The following TNFRSF10D variants were observed in gnomAD, a reference collection of about 807,000 sequenced individuals.
TNFRSF10D encodes TNF receptor superfamily member 10d.
Under a neutral mutation model 42.1 loss-of-function variants are expected in TNFRSF10D, and 28 were observed. The observed-to-expected ratio is 0.66, with a 90% CI of 0.49 to 0.91. The LOEUF is 0.91. Among genes scored for constraint, TNFRSF10D ranks in the 40% least tolerant of loss-of-function variants. The probability of loss-of-function intolerance (pLI) is 0.00; values close to 1 mark genes in which losing one functional copy is unlikely to be tolerated. For synonymous variants in TNFRSF10D, 186 were observed against 189.4 expected, an observed-to-expected ratio of 0.98 and a Z score of 0.15; for missense variants, 503 against 486.1, an observed-to-expected ratio of 1.03 and a Z score of -0.33.
chr8:23,140,408 AC>A (rs368367352), intron 7 of TNFRSF10D, among the ~76,000 whole-genome samples: 1 of 146,810 alleles, frequency 6.8e-6, no homozygotes, highest in South Asian at 2.1e-4. Flanking sequence ...ACACACACAC[AC>A]ACACACACAA....
At chr8:23,144,871 G>A (rs765037585) in intron 6 of TNFRSF10D, among the ~76,000 whole-genome samples, 187 bp downstream of exon 6, 35 of 152,276 alleles carry the variant, frequency 2.3e-4, no homozygotes, top group African/African-American at 7.5e-4. Flanking sequence ...GCTGCAGCAC[G>A]GCCTGCTGGT....
At chr8:23,140,092 A>G (rs1461965282) in intron 7 of TNFRSF10D, among the ~76,000 whole-genome samples, 4 of 152,182 alleles carry the variant, frequency 2.6e-5, no homozygotes, top group Non-Finnish European at 5.9e-5. Flanking sequence ...GATCGAGACC[A>G]TCCTGGCTAA....
chr8:23,160,793 C>A (rs1271227906), intron 1 of TNFRSF10D, among the ~76,000 whole-genome samples: 1 of 152,226 alleles, frequency 6.6e-6, no homozygotes, highest in Non-Finnish European at 1.5e-5. Flanking sequence ...GAGCAGCCAT[C>A]TGCAGCCACC....
intron 7 of TNFRSF10D, among the ~76,000 whole-genome samples, chr8:23,140,480 C>G (rs542216372): frequency 6.6e-6 from 1 of 151,580 alleles, no homozygotes; most frequent in African/African-American, 2.4e-5. Flanking sequence ...CAAAACACTG[C>G]TAAAAGAAAT....
At chr8:23,156,538 C>CAACT (rs1800282722) in intron 1 of TNFRSF10D, among the ~76,000 whole-genome samples, 1 of 151,178 alleles carries the variant, frequency 6.6e-6, no homozygotes, top group Admixed American at 6.6e-5. Flanking sequence ...TTTTCAAGAG[C>CAACT]AACTATTCAT....
At position 23,135,930 on chromosome 8, in the gene TNFRSF10D, T is replaced by A. The variant is rs1352166481; in HGVS notation, c.*1940A>T. 2.2e-6 allele frequency: 1 copy of A among 448,964 alleles called. No individual in the cohort carries two copies. Among genetic ancestry groups the A allele is most frequent in the Non-Finnish European group, 4.5e-6 (1 of 224,256 alleles). The allele number at this position is 448,964 out of a possible 1,614,324, so 27.8% of individuals were successfully genotyped here. On this transcript the variant is annotated 3_prime_UTR_variant, in exon 9 of 9. Transcript: ENST00000312584. ...TAGGAGGCAGCAGCACCCTGTGTCA[T>A]CCAGAAGTGCAGGGGACAAGGTGTG...
rs867006683 is a variant in TNFRSF10D at position 23,163,129 on chromosome 8, C to A, written c.150+657G>T. 2.4e-4 allele frequency among the ~76,000 whole-genome samples: 30 copies of A among 122,612 alleles called. 1 individual carries two copies. The highest frequency in any genetic ancestry group is 2.0e-4 in the Admixed American group (2 of 10,012). The allele number at this position is 122,612 out of a possible 152,430, so 80.4% of individuals were successfully genotyped here. A position where few individuals can be genotyped will look rare whatever the true frequency, so the allele number is the denominator to read the frequency against. ...TTTTTTTTTTTTTGAGACGGAGTCTCGCTCTTGTTGACCAGGCTGGAGTGC... is the reference window on the plus strand; with the variant it reads ...TTTTTTTTTTTTTGAGACGGAGTCTAGCTCTTGTTGACCAGGCTGGAGTGC... On this transcript the variant is annotated intron_variant, in intron 1 of 8. Coordinates refer to ENST00000312584, the MANE Select transcript of TNFRSF10D (RefSeq NM_003840.5).
At chr8:23,159,683 A>G (rs1193395347) in intron 1 of TNFRSF10D, among the ~76,000 whole-genome samples, 1 of 152,104 alleles carries the variant, frequency 6.6e-6, no homozygotes, top group Non-Finnish European at 1.5e-5. Context: ...ACAACATGAC[A>G]AAACCCCGTC....
At position 23,136,548 on chromosome 8, in the gene TNFRSF10D, C is replaced by A. The variant is rs1216464672; in HGVS notation, c.*1322G>T. ...TGGCAGATGCCGGGGCAGATAAACA[C>A]CTGCTCTGCCCTGAGCCCAAATGAG... On this transcript the variant is annotated 3_prime_UTR_variant, in exon 9 of 9. Transcript: ENST00000312584. 1 of 158,266 alleles carries A rather than the reference C, an allele frequency of 6.3e-6. No individual in the cohort carries two copies. The highest frequency in any genetic ancestry group is 1.8e-4 in the South Asian group (1 of 5,530). 9.8% of individuals were successfully genotyped at this position (158,266 alleles called of 1,614,324 possible).
intron 1 of TNFRSF10D, among the ~76,000 whole-genome samples, chr8:23,158,897 G>A (rs541384587): frequency 6.2e-3 from 949 of 152,146 alleles, no homozygotes; most frequent in African/African-American, 0.019. Flanking sequence ...AACTATCGCC[G>A]CGATAAGATA....
At chr8:23,138,591 C>T (rs1028027615) in intron 7 of TNFRSF10D, among the ~76,000 whole-genome samples, 1 of 152,158 alleles carries the variant, frequency 6.6e-6, no homozygotes, top group Non-Finnish European at 1.5e-5. Flanking sequence ...CACCCACCCT[C>T]ACAAGAAATG....
intron 2 of TNFRSF10D, among the ~76,000 whole-genome samples, chr8:23,149,058 CA>C (rs1429786889): frequency 1.3e-4 from 19 of 150,214 alleles, no homozygotes; most frequent in East Asian, 4.1e-4. Context: ...GGCGTGGTGG[CA>C]GGCACCTGTA....
At chr8:23,151,575 A>AT (rs1362954153) in intron 2 of TNFRSF10D, among the ~76,000 whole-genome samples, 3 of 152,104 alleles carry the variant, frequency 2.0e-5, no homozygotes, top group African/African-American at 7.3e-5. Context: ...AGCCCAATGT[A>AT]TTTTTTTAAA....
At chr8:23,149,996 A>G (rs1260251617) in intron 2 of TNFRSF10D, among the ~76,000 whole-genome samples, 3 of 152,200 alleles carry the variant, frequency 2.0e-5, no homozygotes, top group African/African-American at 7.2e-5. Context: ...ACATGTCCCT[A>G]TGGAATAAAG....
At chr8:23,161,903 CAA>C (rs1800372466) in intron 1 of TNFRSF10D, among the ~76,000 whole-genome samples, 1 of 152,132 alleles carries the variant, frequency 6.6e-6, no homozygotes, top group Non-Finnish European at 1.5e-5. Flanking sequence ...AGGAGTTGCC[CAA>C]TAAGCTGGTG....
Position 23,146,946 on chromosome 8 carries a change from T to C in TNFRSF10D, c.482+15A>G. 2 of 1,608,390 alleles carry C rather than the reference T, an allele frequency of 1.2e-6. No individual in the cohort carries two copies. Among genetic ancestry groups the C allele is most frequent in the Non-Finnish European group, 1.7e-6 (2 of 1,175,992 alleles). The stretch of plus-strand genomic sequence containing the variant: ...GTTCCTGAAAGCTGTTGGGAGCCCC[T>C]GGCTGCTGTCTTACCCTGTTCTACA... On this transcript the variant is annotated intron_variant, in intron 4 of 8. Coordinates refer to ENST00000312584, the MANE Select transcript of TNFRSF10D (RefSeq NM_003840.5).
intron 2 of TNFRSF10D, among the ~76,000 whole-genome samples, chr8:23,154,266 C>T (rs909446497): frequency 1.3e-5 from 2 of 152,124 alleles, no homozygotes; most frequent in Non-Finnish European, 2.9e-5. Context: ...TTCAGTTAGA[C>T]AGGGGGAAAT....
chr8:23,155,588 G>A (rs776977126), intron 1 of TNFRSF10D, among the ~76,000 whole-genome samples: 4 of 151,732 alleles, frequency 2.6e-5, no homozygotes, highest in Non-Finnish European at 2.9e-5. Flanking sequence ...GCATGGTGGC[G>A]GGCACCTGTA....
chr8:23,149,917 G>T (rs1363886759), intron 2 of TNFRSF10D, among the ~76,000 whole-genome samples: 1 of 152,118 alleles, frequency 6.6e-6, no homozygotes, highest in Non-Finnish European at 1.5e-5. Flanking sequence ...CCAGAGAAAA[G>T]GTTCCACGAG....
Sources: gnomAD v4.1 joint callset for allele counts (sites outside exome capture counted in the v4.1 genomes callset) on GRCh38, gnomAD v4.1.1 for gene constraint, MANE v1.5 for transcripts, NCBI Gene and HGNC (gene_info 2026-07-23, HGNC 2026-07-21) for gene names.